ACMSD: variants seen among roughly 807,000 people sequenced by gnomAD.
ACMSD encodes aminocarboxymuconate semialdehyde decarboxylase.
Under a neutral mutation model 45.9 loss-of-function variants are expected in ACMSD, and 37 were observed. That is an observed-to-expected ratio of 0.81 (90% CI 0.62 to 1.06). ACMSD has a LOEUF of 1.06. Among genes scored for constraint, ACMSD ranks in the 50% least tolerant of loss-of-function variants. ACMSD has a pLI of 0.00. For synonymous variants in ACMSD, 138 were observed against 148.8 expected, an observed-to-expected ratio of 0.93 and a Z score of 0.53; for missense variants, 434 against 420.9, an observed-to-expected ratio of 1.03 and a Z score of -0.27.
Position 134,845,566 on chromosome 2 carries a change from AC to A in ACMSD, c.102+294del, listed in dbSNP as rs1465138415. 6.9e-5 allele frequency among the ~76,000 whole-genome samples: 4 copies of A among 58,376 alleles called. No homozygotes were observed. The Admixed American group carries it at 8.0e-4, about 12-fold the overall frequency. The allele number at this position is 58,376 out of a possible 152,430, so 38.3% of individuals were successfully genotyped here. A position where few individuals can be genotyped will look rare whatever the true frequency, so the allele number is the denominator to read the frequency against. On this transcript the variant is annotated intron_variant, in intron 2 of 9. Transcript: ENST00000356140. ...CTCTCTCTCTCTCTCCCCTCTCCCCACCCCCACCAACCAGTTTTAGCATTTA... is the reference window on the plus strand; with the variant it reads ...CTCTCTCTCTCTCTCCCCTCTCCCCACCCCACCAACCAGTTTTAGCATTTA...
intron 8 of ACMSD, chr2:134,873,017 A>C: frequency 4.8e-6 from 1 of 206,806 alleles, no homozygotes; most frequent in Non-Finnish European, 1.0e-5. Context: ...CTGGGTTAAA[A>C]TCCTGGCTCT....
chr2:134,895,759 G>A (rs1300153601), intron 8 of ACMSD, among the ~76,000 whole-genome samples: 2 of 152,148 alleles, frequency 1.3e-5, no homozygotes, highest in Non-Finnish European at 2.9e-5. Flanking sequence ...TACTTGGGAG[G>A]CTGAGGCAGG....
At chr2:134,863,349 A>G in intron 4 of ACMSD, 46 bp from the exon 5 acceptor site, 1 of 1,556,538 alleles carries the variant, frequency 6.4e-7, no homozygotes, top group African/African-American at 1.4e-5. Context: ...TGTCTAAAAG[A>G]AGTAGGTTTT....
rs372245923 is a variant in ACMSD, at chr2:134,863,455, G to A, written c.310G>A (p.Val104Ile). 93 of 1,614,102 alleles carry A rather than the reference G, an allele frequency of 5.8e-5. No individual in the cohort carries two copies. Among genetic ancestry groups the A allele is most frequent in the Non-Finnish European group, 7.3e-5 (86 of 1,180,050 alleles). The change falls in exon 5 of 10, where the codon GTT becomes ATT. Residue 104 changes from valine (V) to isoleucine (I), a missense_variant. Physicochemically the swap from Val to Ile is conservative, Grantham distance 29 (BLOSUM62 3). Coordinates refer to ENST00000356140, the MANE Select transcript of ACMSD (RefSeq NM_138326.3). Reference sequence around the variant, plus strand: ...TTTAAACAACGACCTTGCCAGCACCGTTGTGAGCTACCCCAGGAGGTTCGT... The same window carrying A: ...TTTAAACAACGACCTTGCCAGCACCATTGTGAGCTACCCCAGGAGGTTCGT... The part of the protein sequence containing the change: ...QLLNNDLAST[V>I]VSYPRRFVGL...
chr2:134,876,030 T>C (rs1688714591), intron 8 of ACMSD, among the ~76,000 whole-genome samples: 2 of 152,156 alleles, frequency 1.3e-5, no homozygotes, highest in Non-Finnish European at 2.9e-5. Context: ...CATATTTGTG[T>C]AGCGAAACAT....
At chr2:134,847,437 TA>T (rs1687110889) in intron 2 of ACMSD, among the ~76,000 whole-genome samples, 1 of 147,866 alleles carries the variant, frequency 6.8e-6, no homozygotes, top group Non-Finnish European at 1.5e-5. Context: ...GATAGATAGA[TA>T]GATAGATAGA....
intron 7 of ACMSD, 50 bp from the exon 8 acceptor site, chr2:134,872,419 G>C: frequency 6.2e-7 from 1 of 1,608,388 alleles, no homozygotes; most frequent in Non-Finnish European, 8.5e-7. Flanking sequence ...AAGACTAAAG[G>C]AATCCTTTAC....
intron 4 of ACMSD, among the ~76,000 whole-genome samples, chr2:134,862,238 G>A (rs1687881790): frequency 1.3e-5 from 2 of 152,140 alleles, no homozygotes; most frequent in African/African-American, 4.8e-5. Flanking sequence ...TATGTGACTT[G>A]CATTATAGTT....
rs144960074 is a variant in ACMSD at position 134,894,437 on chromosome 2, A to G, written c.850-3904A>G. Among the ~76,000 whole-genome samples, 366 of 152,290 alleles carry G rather than the reference A, an allele frequency of 2.4e-3. 1 individual carries two copies. The highest frequency in any genetic ancestry group is 8.3e-3 in the African/African-American group (345 of 41,588). On this transcript the variant is annotated intron_variant, in intron 8 of 9. Coordinates refer to ENST00000356140, the MANE Select transcript of ACMSD (RefSeq NM_138326.3). ...GGCTGAAGAAGAAATAGAAAGTTCAAACAGGTCTATATTAAGATACTGAAT... is the reference window on the plus strand; with the variant it reads ...GGCTGAAGAAGAAATAGAAAGTTCAGACAGGTCTATATTAAGATACTGAAT...
intron 1 of ACMSD, among the ~76,000 whole-genome samples, chr2:134,839,430 A>G (rs1277282404): frequency 6.6e-6 from 1 of 152,238 alleles, no homozygotes; most frequent in Non-Finnish European, 1.5e-5. Flanking sequence ...GAATATAAAA[A>G]GAGGAAGGTG....
chr2:134,842,172 C>G lies in ACMSD; in HGVS notation c.58-3061C>G, dbSNP rs114342133. Among the ~76,000 whole-genome samples, 1,292 of 152,280 alleles carry G rather than the reference C, an allele frequency of 8.5e-3. 20 individuals carry two copies. Among genetic ancestry groups the G allele is most frequent in the African/African-American group, 0.029 (1,209 of 41,538 alleles). ...CTTTCAGATTGTAGATGCTTCCCGGCATATGCTCAGACCAAAACCACTCCC... is the reference window on the plus strand; with the variant it reads ...CTTTCAGATTGTAGATGCTTCCCGGGATATGCTCAGACCAAAACCACTCCC... On this transcript the variant is annotated intron_variant, in intron 1 of 9. Transcript: ENST00000356140.
intron 1 of ACMSD, among the ~76,000 whole-genome samples, chr2:134,844,634 A>G (rs573533541): frequency 1.3e-5 from 2 of 152,332 alleles, no homozygotes; most frequent in East Asian, 3.9e-4. Flanking sequence ...CTTCTGACCT[A>G]CTAGGATGGC....
rs757923430 is a variant in ACMSD, at chr2:134,847,447, GATAT to G, written c.102+2172_102+2175del. ...AGATAGATAGATAGATAGATAGATA[GATAT>G]AGATAGAGATAGAGATAGATATATA... On this transcript the variant is annotated intron_variant, in intron 2 of 9. Coordinates refer to ENST00000356140, the MANE Select transcript of ACMSD (RefSeq NM_138326.3). Among the ~76,000 whole-genome samples the G allele has an allele frequency of 5.1e-3, 726 of 141,118 alleles. 17 individuals are homozygous for G. In the East Asian group the frequency reaches 0.087, roughly 17 times the overall value. The allele number at this position is 141,118 out of a possible 152,430, so 92.6% of individuals were successfully genotyped here.
At chr2:134,863,309 T>C (rs1687931183) in intron 4 of ACMSD, 86 bp from the exon 5 acceptor site, 5 of 1,274,028 alleles carry the variant, frequency 3.9e-6, no homozygotes, top group African/African-American at 1.5e-5. Context: ...ACAAATATTA[T>C]AGCCATGAGG....
chr2:134,885,359 T>C (rs1689327848), intron 8 of ACMSD, among the ~76,000 whole-genome samples: 3 of 108,908 alleles, frequency 2.8e-5, no homozygotes, highest in East Asian at 2.3e-4. Flanking sequence ...AATATATATT[T>C]ACATATATAT....
chr2:134,850,770 T>C (rs1047103553), intron 2 of ACMSD, among the ~76,000 whole-genome samples: 1 of 152,202 alleles, frequency 6.6e-6, no homozygotes, highest in Non-Finnish European at 1.5e-5. Flanking sequence ...TCTCAAAAGT[T>C]CTTCCTTTCT....
At chr2:134,838,998 A>T (rs1391940331) in intron 1 of ACMSD, among the ~76,000 whole-genome samples, 1 of 152,208 alleles carries the variant, frequency 6.6e-6, no homozygotes, top group Non-Finnish European at 1.5e-5. Flanking sequence ...AAATATCTGG[A>T]CAATTTAAAT....
At chr2:134,883,500 T>C (rs920643489) in intron 8 of ACMSD, among the ~76,000 whole-genome samples, 2 of 152,116 alleles carry the variant, frequency 1.3e-5, no homozygotes, top group African/African-American at 4.8e-5. Context: ...GAACTAGCAA[T>C]AGAAAAAGTC....
At chr2:134,861,540 A>C (rs1055047015) in intron 3 of ACMSD, among the ~76,000 whole-genome samples, 2 of 152,266 alleles carry the variant, frequency 1.3e-5, no homozygotes, top group African/African-American at 4.8e-5. Context: ...TGGATGCTGG[A>C]GTCAAACTCA....
Sources: allele counts gnomAD v4.1 joint callset (sites outside exome capture counted in the v4.1 genomes callset), GRCh38; gene constraint gnomAD v4.1.1; transcripts MANE v1.5; gene names NCBI Gene and HGNC (gene_info 2026-07-23, HGNC 2026-07-21).